Variants in CALN1 observed in about 807,000 individuals in gnomAD.
The protein encoded by CALN1 is calneuron 1.
Under a neutral mutation model 30.6 loss-of-function variants are expected in CALN1, and 17 were observed. That is an observed-to-expected ratio of 0.56 (90% CI 0.38 to 0.83). The LOEUF is 0.83. Among genes scored for constraint, CALN1 ranks in the 40% least tolerant of loss-of-function variants. The pLI, the probability that CALN1 is intolerant of heterozygous loss-of-function variation, is 0.00. For synonymous variants in CALN1, 156 were observed against 131.4 expected (o/e 1.19, Z -1.28); for missense variants, 291 against 354.9 (o/e 0.82, Z 1.45).
intron 3 of CALN1, among the ~76,000 whole-genome samples, chr7:72,164,818 C>A (rs1452043698): frequency 1.1e-4 from 16 of 152,132 alleles, no homozygotes. Flanking sequence ...TGCGTACCAC[C>A]ATGCCTGGCT....
intron 5 of CALN1, among the ~76,000 whole-genome samples, chr7:71,834,597 T>G (rs567743931): frequency 1.3e-5 from 2 of 152,264 alleles, no homozygotes; most frequent in Admixed American, 6.5e-5. Context: ...TTATTATGAT[T>G]TTTTTCTTAG....
chr7:72,320,129 A>T (rs879265228), intron 2 of CALN1, among the ~76,000 whole-genome samples: 1 of 152,010 alleles, frequency 6.6e-6, no homozygotes, highest in Admixed American at 6.5e-5. Flanking sequence ...GCGAGACTCC[A>T]TCTCATAAAA....
chr7:72,426,493 G>A (rs551146790), intron 1 of CALN1, among the ~76,000 whole-genome samples: 10 of 152,214 alleles, frequency 6.6e-5, no homozygotes, highest in South Asian at 6.2e-4. Flanking sequence ...TTCCCCTTCC[G>A]CCATGAGTGT....
Position 71,782,293 on chromosome 7 carries a change from GGTT to G in CALN1, c.*5479_*5481del, listed in dbSNP as rs910405727. 18 of 152,248 alleles carry G rather than the reference GGTT, an allele frequency of 1.2e-4. No homozygotes were observed. Among genetic ancestry groups the G allele is most frequent in the African/African-American group, 3.9e-4 (16 of 41,546 alleles). The allele number at this position is 152,248 out of a possible 1,614,324, so 9.4% of individuals were successfully genotyped here. ...TACTTTATTAGTTCATGCAATTGCGGGTTGTTAAGAAAAGGAGACTGGCACCTC... is the reference window on the plus strand; with the variant it reads ...TACTTTATTAGTTCATGCAATTGCGGGTTAAGAAAAGGAGACTGGCACCTC... On this transcript the variant is annotated 3_prime_UTR_variant, in exon 7 of 7. Transcript: ENST00000395275.
chr7:72,386,002 TGTAA>T lies in CALN1; in HGVS notation c.119+17245_119+17248del, dbSNP rs536545299. Among the ~76,000 whole-genome samples, 30 of 152,314 alleles carry T rather than the reference TGTAA, an allele frequency of 2.0e-4. No homozygotes were observed. In the East Asian group the frequency reaches 5.6e-3, roughly 28 times the overall value. ...CACGGATTGATCTTAAATTCATATA[TGTAA>T]GTGAGAGAAGCCAGTTTGAAAAGGC... On this transcript the variant is annotated intron_variant, in intron 2 of 6. Coordinates refer to ENST00000395275, the MANE Select transcript of CALN1 (RefSeq NM_031468.4).
intron 1 of CALN1, among the ~76,000 whole-genome samples, chr7:72,406,603 G>A (rs984958953): frequency 6.8e-6 from 1 of 147,012 alleles, no homozygotes; most frequent in African/African-American, 2.5e-5. Context: ...CCCACATGAG[G>A]GTCCTTGTCA....
intron 2 of CALN1, among the ~76,000 whole-genome samples, chr7:72,392,036 C>T (rs936777441): frequency 6.6e-6 from 1 of 152,172 alleles, no homozygotes; most frequent in Non-Finnish European, 1.5e-5. Flanking sequence ...AAATGCCAAC[C>T]GGGTTCCATC....
intron 2 of CALN1, among the ~76,000 whole-genome samples, chr7:72,367,817 A>G (rs573281841): frequency 4.9e-4 from 74 of 152,268 alleles, no homozygotes; most frequent in South Asian, 8.3e-4. Flanking sequence ...CCCAGGTGAC[A>G]GAGCAAGACC....
chr7:72,211,074 A>G (rs1455441165), intron 3 of CALN1, among the ~76,000 whole-genome samples: 1 of 151,928 alleles, frequency 6.6e-6, no homozygotes, highest in Non-Finnish European at 1.5e-5. Flanking sequence ...AGTAAAATGA[A>G]CTGAAATGAA....
chr7:71,996,339 C>T (rs1799251011), intron 5 of CALN1, among the ~76,000 whole-genome samples: 1 of 152,198 alleles, frequency 6.6e-6, no homozygotes, highest in East Asian at 1.9e-4. Flanking sequence ...ACTTAACTGA[C>T]TTCAATACTG....
chr7:72,021,280 T>C (rs1026623296), intron 5 of CALN1, among the ~76,000 whole-genome samples: 1 of 150,992 alleles, frequency 6.6e-6, no homozygotes, highest in Admixed American at 6.6e-5. Context: ...ATCTCTAAAA[T>C]ACACAAAAAA....
intron 3 of CALN1, among the ~76,000 whole-genome samples, chr7:72,252,810 T>TA: frequency 6.6e-6 from 1 of 152,258 alleles, no homozygotes; most frequent in Admixed American, 6.5e-5. Flanking sequence ...TATAATATAC[T>TA]ATGCCTGCTG....
intron 3 of CALN1, among the ~76,000 whole-genome samples, chr7:72,110,155 G>C (rs979747540): frequency 6.6e-6 from 1 of 152,116 alleles, no homozygotes; most frequent in Non-Finnish European, 1.5e-5. Flanking sequence ...ACAGACCTTT[G>C]TTCCTGTGGT....
intron 2 of CALN1, among the ~76,000 whole-genome samples, chr7:72,390,283 T>C (rs992500146): frequency 1.3e-5 from 2 of 151,614 alleles, no homozygotes; most frequent in African/African-American, 2.4e-5. Flanking sequence ...ACAAAAAAAT[T>C]AGCGGGGCAT....
At chr7:72,393,659 G>A (rs1375919247) in intron 2 of CALN1, among the ~76,000 whole-genome samples, 4 of 151,946 alleles carry the variant, frequency 2.6e-5, no homozygotes, top group Non-Finnish European at 5.9e-5. Context: ...AAAAGAATAG[G>A]TATACAGAAT....
intron 5 of CALN1, among the ~76,000 whole-genome samples, chr7:71,880,475 C>T (rs572742626): frequency 6.6e-6 from 1 of 152,112 alleles, no homozygotes; most frequent in Non-Finnish European, 1.5e-5. Context: ...TCCTTCCCTT[C>T]CCCTCTCTTG....
intron 4 of CALN1, among the ~76,000 whole-genome samples, chr7:72,096,373 T>G (rs1219398655): frequency 6.6e-6 from 1 of 152,216 alleles, no homozygotes; most frequent in Non-Finnish European, 1.5e-5. Context: ...CACTCAGACC[T>G]TCTTGCTCCT....
chr7:72,198,559 C>T (rs1006041935), intron 3 of CALN1, among the ~76,000 whole-genome samples: 14 of 152,262 alleles, frequency 9.2e-5, no homozygotes, highest in African/African-American at 3.4e-4. Flanking sequence ...CTCCCTCCCT[C>T]CCTTCTCTTT....
intron 5 of CALN1, among the ~76,000 whole-genome samples, chr7:71,834,276 ATG>A: frequency 6.7e-6 from 1 of 149,892 alleles, no homozygotes; most frequent in Non-Finnish European, 1.5e-5. Context: ...AATTACATAA[ATG>A]ACACAGAGTA....
Sources: gnomAD v4.1 joint callset for allele counts (sites outside exome capture counted in the v4.1 genomes callset) on GRCh38, gnomAD v4.1.1 for gene constraint, MANE v1.5 for transcripts, NCBI Gene and HGNC (gene_info 2026-07-23, HGNC 2026-07-21) for gene names.